CARMIL1: variants seen among roughly 807,000 people sequenced by gnomAD.
The protein encoded by CARMIL1 is capping protein regulator and myosin 1 linker 1.
Under a neutral mutation model 177.1 loss-of-function variants are expected in CARMIL1, and 90 were observed. That is an observed-to-expected ratio of 0.51 (90% CI 0.43 to 0.61). CARMIL1 has a LOEUF of 0.61. Among genes scored for constraint, CARMIL1 ranks in the 20% least tolerant of loss-of-function variants. CARMIL1 has a pLI of 0.00. For synonymous variants in CARMIL1, 577 were observed against 606.2 expected (o/e 0.95, Z 0.71); for missense variants, 1,380 against 1,667.0 (o/e 0.83, Z 3.00).
At chr6:25,352,746 G>T (rs1430059841) in intron 2 of CARMIL1, among the ~76,000 whole-genome samples, 3 of 152,032 alleles carry the variant, frequency 2.0e-5, no homozygotes, top group Non-Finnish European at 4.4e-5. Context: ...ACTTTGCTTG[G>T]CAGTGACTTT....
chr6:25,551,994 C>T (rs1810153346), intron 27 of CARMIL1, among the ~76,000 whole-genome samples: 4 of 152,054 alleles, frequency 2.6e-5, no homozygotes, highest in Admixed American at 6.6e-5. Flanking sequence ...GATTATAGAA[C>T]TTTGAGGATT....
At chr6:25,403,284 G>T (rs1446588728) in intron 2 of CARMIL1, among the ~76,000 whole-genome samples, 1 of 152,128 alleles carries the variant, frequency 6.6e-6, no homozygotes, top group Non-Finnish European at 1.5e-5. Context: ...TCCATCATCA[G>T]TGTATATCTG....
At chr6:25,295,093 C>T (rs1782282865) in intron 2 of CARMIL1, among the ~76,000 whole-genome samples, 2 of 151,940 alleles carry the variant, frequency 1.3e-5, no homozygotes, top group Admixed American at 1.3e-4. Context: ...CTGATATTTG[C>T]ATTACTAAAA....
At chr6:25,340,537 A>G (rs946062529) in intron 2 of CARMIL1, among the ~76,000 whole-genome samples, 1 of 152,194 alleles carries the variant, frequency 6.6e-6, no homozygotes, top group Non-Finnish European at 1.5e-5. Context: ...AGCAGAGTAC[A>G]TAATGCCCAG....
In CARMIL1 at chr6:25,307,169, C is replaced by T. The variant is rs184727744; in HGVS notation, c.138+22260C>T. On this transcript the variant is annotated intron_variant, in intron 2 of 36. Transcript: ENST00000329474. ...GTGCTGGGATTACAGCTGTGAGCCA[C>T]CGCGCCCGGTCGCCCTGGTCCTTTT... Among the ~76,000 whole-genome samples, 66 of 152,348 alleles carry T rather than the reference C, an allele frequency of 4.3e-4. No homozygotes were observed. The East Asian group carries it at 0.012, about 28-fold the overall frequency.
chr6:25,457,060 A>G (rs1799600165), intron 8 of CARMIL1, among the ~76,000 whole-genome samples: 1 of 151,520 alleles, frequency 6.6e-6, no homozygotes, highest in South Asian at 2.1e-4. Context: ...TGTGAACAGC[A>G]TTGGCTTCTG....
intron 2 of CARMIL1, among the ~76,000 whole-genome samples, chr6:25,333,024 A>G (rs749772393): frequency 6.6e-6 from 1 of 152,148 alleles, no homozygotes; most frequent in Non-Finnish European, 1.5e-5. Context: ...GAGAGACTAA[A>G]TGGTTTACAC....
chr6:25,618,905 G>T (rs1202678176), intron 36 of CARMIL1, among the ~76,000 whole-genome samples: 1 of 152,208 alleles, frequency 6.6e-6, no homozygotes, highest in African/African-American at 2.4e-5. Context: ...GAGGTTTTCT[G>T]AGTCACAGAA....
chr6:25,368,622 C>T (rs1790080619), intron 2 of CARMIL1, among the ~76,000 whole-genome samples: 1 of 152,062 alleles, frequency 6.6e-6, no homozygotes, highest in Non-Finnish European at 1.5e-5. Context: ...AACATAAGAC[C>T]CACCTGATTG....
Position 25,364,438 on chromosome 6 carries a change from T to G in CARMIL1, c.139-55676T>G, listed in dbSNP as rs371101074. Among the ~76,000 whole-genome samples the G allele has an allele frequency of 7.7e-4, 117 of 152,374 alleles. 2 individuals are homozygous for G. In the South Asian group the frequency reaches 0.017, roughly 22 times the overall value. Reference sequence around the variant, plus strand: ...CTCTCCTTCTTTATAATTTTGTCATTTTAAGTAGTCTCTATAAATGGAACT... The same window carrying G: ...CTCTCCTTCTTTATAATTTTGTCATGTTAAGTAGTCTCTATAAATGGAACT... On this transcript the variant is annotated intron_variant, in intron 2 of 36. Coordinates refer to ENST00000329474, the MANE Select transcript of CARMIL1 (RefSeq NM_017640.6).
At chr6:25,611,891 A>C (rs1459776357) in intron 36 of CARMIL1, among the ~76,000 whole-genome samples, 1 of 152,202 alleles carries the variant, frequency 6.6e-6, no homozygotes, top group Non-Finnish European at 1.5e-5. Flanking sequence ...GCTGCCGTGA[A>C]AAAGTTGAAT....
intron 8 of CARMIL1, among the ~76,000 whole-genome samples, chr6:25,459,266 C>CTTTTTTTTTTTT (rs769702901): frequency 1.4e-5 from 1 of 73,754 alleles, no homozygotes; most frequent in Non-Finnish European, 2.9e-5. Context: ...TTCTTTCTTT[C>CTTTTTTTTTTTT]TTTTTTTTTT....
intron 3 of CARMIL1, among the ~76,000 whole-genome samples, chr6:25,421,688 G>A (rs1581884272): frequency 1.4e-5 from 1 of 69,974 alleles, no homozygotes; most frequent in African/African-American, 4.3e-5. Context: ...GGAATACTAC[G>A]CAGCCATAAA....
chr6:25,374,746 A>G (rs1790809008), intron 2 of CARMIL1, among the ~76,000 whole-genome samples: 1 of 152,028 alleles, frequency 6.6e-6, no homozygotes, highest in South Asian at 2.1e-4. Flanking sequence ...ATCTTGTTCG[A>G]TTGATCCTTT....
chr6:25,604,029 G>T (rs1274658983), intron 33 of CARMIL1, among the ~76,000 whole-genome samples: 2 of 152,012 alleles, frequency 1.3e-5, no homozygotes, highest in Admixed American at 1.3e-4. Flanking sequence ...CCTTTCACCT[G>T]TATTATCATT....
chr6:25,529,988 A>T (rs1216696366), intron 24 of CARMIL1, among the ~76,000 whole-genome samples: 10 of 152,114 alleles, frequency 6.6e-5, no homozygotes, highest in Non-Finnish European at 1.5e-4. Context: ...GAAATGGTGA[A>T]TTGACTTAGA....
At chr6:25,385,938 G>T (rs1792115423) in intron 2 of CARMIL1, among the ~76,000 whole-genome samples, 1 of 152,202 alleles carries the variant, frequency 6.6e-6, no homozygotes, top group Admixed American at 6.5e-5. Context: ...GGTAAAGAAG[G>T]TGATGAAATT....
chr6:25,422,641 G>C (rs1243797114), intron 3 of CARMIL1, among the ~76,000 whole-genome samples: 1 of 152,136 alleles, frequency 6.6e-6, no homozygotes, highest in Non-Finnish European at 1.5e-5. Flanking sequence ...ATACCTGAAG[G>C]CATGATATGA....
At chr6:25,342,555 G>A (rs6913201) in intron 2 of CARMIL1, among the ~76,000 whole-genome samples, 1 of 152,120 alleles carries the variant, frequency 6.6e-6, no homozygotes, top group Non-Finnish European at 1.5e-5. Flanking sequence ...GGAACACTTA[G>A]CATATAGGAA....
Sources: gnomAD v4.1 joint callset for allele counts (sites outside exome capture counted in the v4.1 genomes callset) on GRCh38, gnomAD v4.1.1 for gene constraint, MANE v1.5 for transcripts, NCBI Gene and HGNC (gene_info 2026-07-23, HGNC 2026-07-21) for gene names.